Variants in TRPC7 observed in about 807,000 individuals in gnomAD.
TRPC7 encodes the protein short transient receptor potential channel 7.
TRPC7 carries 42 observed loss-of-function variants against 90.1 expected under a neutral mutation model. The ratio of observed to expected loss-of-function variants is 0.47; its 90% CI spans 0.36 to 0.60. TRPC7 has a LOEUF of 0.60. Among genes scored for constraint, TRPC7 ranks in the 20% least tolerant of loss-of-function variants. The pLI is 0.00. For synonymous variants in TRPC7, 451 were observed against 436.3 expected (o/e 1.03, Z -0.42); for missense variants, 955 against 1,112.3 (o/e 0.86, Z 2.01).
In TRPC7 at chr5:136,362,570, G is replaced by T. The variant is rs746792773; in HGVS notation, c.2+2683C>A. On this transcript the variant is annotated intron_variant, in intron 1 of 11. Coordinates refer to ENST00000513104, the MANE Select transcript of TRPC7 (RefSeq NM_020389.3). ...TCTCACAAACTATTACATGGTTTAGGTGCTATTGTCATTCCCATTTAACAG... is the reference window on the plus strand; with the variant it reads ...TCTCACAAACTATTACATGGTTTAGTTGCTATTGTCATTCCCATTTAACAG... Among the ~76,000 whole-genome samples the T allele has an allele frequency of 1.3e-5, 2 of 152,074 alleles. 1 individual carries two copies. The highest frequency in any genetic ancestry group is 4.8e-5 in the African/African-American group (2 of 41,428).
chr5:136,298,079 G>A (rs1249145644), intron 3 of TRPC7, among the ~76,000 whole-genome samples: 2 of 152,158 alleles, frequency 1.3e-5, no homozygotes, highest in African/African-American at 2.4e-5. Context: ...ACAGAATTAA[G>A]GGAAACAGAC....
intron 6 of TRPC7, among the ~76,000 whole-genome samples, chr5:136,251,088 C>T (rs1335446861): frequency 1.3e-5 from 2 of 152,204 alleles, no homozygotes; most frequent in Non-Finnish European, 2.9e-5. Context: ...TCTCAATAAA[C>T]ATATGTTATA....
At chr5:136,301,471 TA>T (rs1395387573) in intron 3 of TRPC7, among the ~76,000 whole-genome samples, 3 of 148,672 alleles carry the variant, frequency 2.0e-5, no homozygotes, top group Non-Finnish European at 3.0e-5. Context: ...ACAAAAGAAG[TA>T]AAAATAATCT....
intron 3 of TRPC7, among the ~76,000 whole-genome samples, chr5:136,299,960 C>T (rs1006492940): frequency 6.6e-6 from 1 of 152,122 alleles, no homozygotes; most frequent in Admixed American, 6.5e-5. Context: ...CTCTGACTAT[C>T]TTAGCAAATG....
chr5:136,314,327 C>T (rs1758935895), intron 3 of TRPC7: 1 of 152,244 alleles, frequency 6.6e-6, no homozygotes, highest in African/African-American at 2.4e-5. Flanking sequence ...CAGGGAGTGA[C>T]TGCGTACTTT....
At chr5:136,342,707 G>A (rs536660002) in intron 2 of TRPC7, among the ~76,000 whole-genome samples, 1 of 152,328 alleles carries the variant, frequency 6.6e-6, no homozygotes, top group South Asian at 2.1e-4. Flanking sequence ...TTTATAAAGT[G>A]TTGACAAAAC....
rs142000092 is a variant in TRPC7, at chr5:136,244,902, G to C, written c.1844+2569C>G. On this transcript the variant is annotated intron_variant, in intron 7 of 11. Coordinates refer to ENST00000513104, the MANE Select transcript of TRPC7 (RefSeq NM_020389.3). ...ACCACTGCCCAGAAAGGGCGCTATA[G>C]ACCAATTCAGTACTCAGGTGTCTTT... 9.2e-5 allele frequency among the ~76,000 whole-genome samples: 14 copies of C among 152,308 alleles called. No individual in the cohort carries two copies. The East Asian group carries it at 2.7e-3, about 29-fold the overall frequency.
chr5:136,359,522 T>G (rs1251932054), intron 1 of TRPC7, among the ~76,000 whole-genome samples: 2 of 152,172 alleles, frequency 1.3e-5, no homozygotes, highest in Non-Finnish European at 2.9e-5. Flanking sequence ...TCTGAGCCCA[T>G]TCCTTTCAAC....
chr5:136,353,040 T>C (rs2546656), intron 2 of TRPC7, among the ~76,000 whole-genome samples: 30,559 of 152,118 alleles, frequency 0.2, 3,769 homozygotes, highest in East Asian at 0.34. Flanking sequence ...TGCTCACTAG[T>C]TTATTGGGTA....
chr5:136,294,717 G>A (rs1758100036), intron 3 of TRPC7, among the ~76,000 whole-genome samples: 1 of 152,210 alleles, frequency 6.6e-6, no homozygotes, highest in Admixed American at 6.5e-5. Context: ...TTCAACCATT[G>A]TGGAAGTCGG....
At chr5:136,326,972 A>C (rs1759364248) in intron 2 of TRPC7, among the ~76,000 whole-genome samples, 1 of 152,142 alleles carries the variant, frequency 6.6e-6, no homozygotes, top group Admixed American at 6.5e-5. Context: ...CATTCAAGGG[A>C]GATGGAAAAA....
intron 3 of TRPC7, among the ~76,000 whole-genome samples, chr5:136,290,025 C>G (rs1022555491): frequency 1.3e-5 from 2 of 152,216 alleles, no homozygotes; most frequent in African/African-American, 2.4e-5. Context: ...GATACCCAGG[C>G]AAACAGGGTC....
chr5:136,312,068 A>G (rs1253825945), intron 3 of TRPC7, among the ~76,000 whole-genome samples: 1 of 152,166 alleles, frequency 6.6e-6, no homozygotes, highest in Non-Finnish European at 1.5e-5. Context: ...TGCTCAAGTG[A>G]CCACATTAAT....
intron 7 of TRPC7, among the ~76,000 whole-genome samples, chr5:136,243,373 G>A (rs1408096481): frequency 6.6e-6 from 1 of 152,112 alleles, no homozygotes; most frequent in African/African-American, 2.4e-5. Flanking sequence ...CCTGCAGTGT[G>A]CTCCAACCCA....
intron 11 of TRPC7, among the ~76,000 whole-genome samples, chr5:136,214,952 C>T (rs1263819268): frequency 2.0e-5 from 3 of 152,126 alleles, no homozygotes; most frequent in East Asian, 3.9e-4. Context: ...GACTGGAAAA[C>T]AACCCAAACA....
In TRPC7 at chr5:136,247,323, A is replaced by G; in HGVS notation, c.1844+148T>C. On this transcript the variant is annotated intron_variant, in intron 7 of 11. Transcript: ENST00000513104. This position sits in a 1 kb window ranked among gnomAD's most constrained non-coding sequence, Gnocchi z 4.2. ...TCATCTGTTCAACTCCAGAACCTGA[A>G]CTCTAAACCACCCTTGAATAAAGTT... The G allele has an allele frequency of 1.2e-6, 1 of 832,462 alleles. No individual in the cohort carries two copies. The highest frequency in any genetic ancestry group is 2.1e-5 in the South Asian group (1 of 47,564). 51.6% of individuals were successfully genotyped at this position (832,462 alleles called of 1,614,324 possible). A position where few individuals can be genotyped will look rare whatever the true frequency, so the allele number is the denominator to read the frequency against.
chr5:136,218,105 T>C (rs1755333059), intron 10 of TRPC7, among the ~76,000 whole-genome samples: 1 of 145,720 alleles, frequency 6.9e-6, no homozygotes, highest in African/African-American at 2.5e-5. Flanking sequence ...ATATAATATA[T>C]ATTTGAGATA....
At chr5:136,315,909 GA>G (rs1759007081) in intron 2 of TRPC7, 130 bp from the exon 3 acceptor site, 6 of 883,200 alleles carry the variant, frequency 6.8e-6, no homozygotes. Flanking sequence ...TGCACTTATG[GA>G]ACGCAGCAGG....
At chr5:136,312,125 A>G (rs1281018989) in intron 3 of TRPC7, among the ~76,000 whole-genome samples, 1 of 152,162 alleles carries the variant, frequency 6.6e-6, no homozygotes, top group Non-Finnish European at 1.5e-5. Context: ...TCTCAGCTAC[A>G]TCTCCAATTC....
Sources: allele counts gnomAD v4.1 joint callset (sites outside exome capture counted in the v4.1 genomes callset), GRCh38; gene constraint gnomAD v4.1.1; non-coding constraint Gnocchi (gnomAD v3.1); transcripts MANE v1.5; gene names NCBI Gene and HGNC (gene_info 2026-07-23, HGNC 2026-07-21).